HDAC5: variants seen among roughly 807,000 people sequenced by gnomAD.
HDAC5 encodes histone deacetylase 5.
HDAC5 carries 25 observed loss-of-function variants against 133.3 expected under a neutral mutation model. That is an observed-to-expected ratio of 0.19 (90% confidence interval 0.14 to 0.26). HDAC5 has a LOEUF of 0.26. Ranked by LOEUF, HDAC5 falls within the 10% of genes least tolerant of loss-of-function variation. The probability of loss-of-function intolerance (pLI) is 1.00; values close to 1 mark genes in which losing one functional copy is unlikely to be tolerated. For synonymous variants in HDAC5, 589 were observed against 610.8 expected, an observed-to-expected ratio of 0.96 and a Z score of 0.53; for missense variants, 1,041 against 1,460.5, an observed-to-expected ratio of 0.71 and a Z score of 4.68.
intron 3 of HDAC5, among the ~76,000 whole-genome samples, chr17:44,108,896 C>G (rs1426208405): frequency 2.0e-5 from 3 of 151,958 alleles, no homozygotes; most frequent in Admixed American, 1.3e-4. Context: ...TGAGGTGACT[C>G]ACGCCTCCCT....
intron 2 of HDAC5, among the ~76,000 whole-genome samples, chr17:44,115,251 G>A (rs888000808): frequency 2.0e-5 from 3 of 152,174 alleles, no homozygotes; most frequent in Non-Finnish European, 4.4e-5. Flanking sequence ...GGGGAAAGAG[G>A]AGCAAGTGTT....
Position 44,082,461 on chromosome 17 carries a change from C to G in HDAC5, c.2607+124G>C, listed in dbSNP as rs1161144148. 5.5e-6 allele frequency: 4 copies of G among 731,092 alleles called. No individual in the cohort carries two copies. In the African/African-American group the frequency reaches 7.0e-5, roughly 13 times the overall value. 45.3% of individuals were successfully genotyped at this position (731,092 alleles called of 1,614,324 possible). A position where few individuals can be genotyped will look rare whatever the true frequency, so the allele number is the denominator to read the frequency against. ...GCGCCCTTCCTTCTGCACCCACACC[C>G]AGCACCCGAGGATGAGGACGACTGG... On this transcript the variant is annotated intron_variant, in intron 20 of 26. Coordinates refer to ENST00000682912, the MANE Select transcript of HDAC5 (RefSeq NM_005474.5).
rs755781777 is a variant in HDAC5 at position 44,091,793 on chromosome 17, G to A, written c.1071C>T (p.Ser357=). 1.5e-5 allele frequency: 24 copies of A among 1,599,258 alleles called. No homozygotes were observed. Among genetic ancestry groups the A allele is most frequent in the Non-Finnish European group, 2.0e-5 (24 of 1,172,904 alleles). Residue 357 remains serine, a synonymous_variant, in exon 10 of 27, where the codon TCC becomes TCT. Transcript: ENST00000682912. ...ACGTGTAGAGGCTGAACTGGTTGGG[G>A]GAGCTGTCCAGAGGGAGGGCTCGGT... is the stretch of plus-strand genomic sequence containing the variant. ...PQHRALPLDS[S]PNQFSLYTSP... is the part of the protein sequence containing the mutation.
At chr17:44,087,799 A>G (rs1441309870) in intron 12 of HDAC5, 103 bp from the exon 13 acceptor site, 3 of 1,368,506 alleles carry the variant, frequency 2.2e-6, no homozygotes, top group African/African-American at 1.4e-5. Flanking sequence ...TCTTCCAGGT[A>G]GAGCTTCTAT....
chr17:44,099,544 G>T (rs1220655281), intron 3 of HDAC5, among the ~76,000 whole-genome samples: 1 of 151,474 alleles, frequency 6.6e-6, no homozygotes, highest in Admixed American at 6.6e-5. Flanking sequence ...GCGCGATCTC[G>T]GCTCACTGCA....
chr17:44,108,747 A>G (rs2052132343), intron 3 of HDAC5, among the ~76,000 whole-genome samples: 1 of 111,456 alleles, frequency 9.0e-6, no homozygotes, highest in African/African-American at 3.2e-5. Flanking sequence ...TACATTCCAG[A>G]GTCCAAAAAA....
intron 1 of HDAC5, among the ~76,000 whole-genome samples, chr17:44,118,279 T>G: frequency 6.6e-6 from 1 of 152,250 alleles, no homozygotes; most frequent in East Asian, 1.9e-4. Context: ...TTTCCAGGAA[T>G]TGAGAAAGTC....
At chr17:44,106,363 C>T (rs1361665494) in intron 3 of HDAC5, among the ~76,000 whole-genome samples, 1 of 152,170 alleles carries the variant, frequency 6.6e-6, no homozygotes, top group East Asian at 1.9e-4. Flanking sequence ...CCCCAGGAGG[C>T]CCCCAAGGCT....
chr17:44,102,127 T>C (rs1483658756), intron 3 of HDAC5, among the ~76,000 whole-genome samples: 5 of 152,206 alleles, frequency 3.3e-5, no homozygotes, highest in African/African-American at 4.8e-5. Flanking sequence ...TAAGGCTGTG[T>C]AGGTGGCATA....
intron 1 of HDAC5, 122 bp downstream of exon 1, chr17:44,123,382 G>GGGGGCGC: frequency 2.9e-6 from 1 of 340,052 alleles, no homozygotes; most frequent in Non-Finnish European, 5.3e-6. Flanking sequence ...AGGAAGGAAG[G>GGGGGCGC]GGGGCGCGGA....
intron 3 of HDAC5, among the ~76,000 whole-genome samples, chr17:44,105,378 G>A (rs1376648926): frequency 2.6e-5 from 4 of 152,188 alleles, no homozygotes; most frequent in East Asian, 1.9e-4. Context: ...GTTAGTAGTC[G>A]ATCCTGGGAT....
chr17:44,119,500 C>A (rs2052850993), intron 1 of HDAC5, among the ~76,000 whole-genome samples: 1 of 152,208 alleles, frequency 6.6e-6, no homozygotes, highest in Non-Finnish European at 1.5e-5. Flanking sequence ...CTGATCCTCA[C>A]CCCTGAGGCA....
chr17:44,093,080 C>G lies in HDAC5; in HGVS notation c.641+12G>C. 6.3e-7 allele frequency: 1 copy of G among 1,596,366 alleles called. No individual in the cohort carries two copies. Among genetic ancestry groups the G allele is most frequent in the Non-Finnish European group, 8.6e-7 (1 of 1,168,482 alleles). On this transcript the variant is annotated intron_variant, in intron 6 of 26. Transcript: ENST00000682912. ...TCACCTATGCCCACCCATGCCTGCCCAGGGCCATTACCAGCATTTGGGGTG... is the reference window on the plus strand; with the variant it reads ...TCACCTATGCCCACCCATGCCTGCCGAGGGCCATTACCAGCATTTGGGGTG...
intron 3 of HDAC5, among the ~76,000 whole-genome samples, chr17:44,103,072 G>A (rs2051719434): frequency 6.6e-6 from 1 of 152,094 alleles, no homozygotes; most frequent in South Asian, 2.1e-4. Context: ...CCAGGTGGGG[G>A]AGACAGCAGC....
intron 2 of HDAC5, chr17:44,111,389 G>A: frequency 5.8e-6 from 2 of 346,342 alleles, no homozygotes; most frequent in Non-Finnish European, 1.1e-5. Flanking sequence ...CCAGGCGAGG[G>A]GGATGGGAAC....
intron 3 of HDAC5, among the ~76,000 whole-genome samples, chr17:44,095,852 C>G (rs140703653): frequency 5.9e-5 from 9 of 151,974 alleles, no homozygotes; most frequent in Non-Finnish European, 1.2e-4. Context: ...TCTGGTCTTA[C>G]GGAGAACCGG....
intron 15 of HDAC5, 35 bp from the exon 16 acceptor site, chr17:44,084,710 G>A (rs763743998): frequency 1.2e-6 from 2 of 1,610,410 alleles, no homozygotes; most frequent in African/African-American, 1.3e-5. Context: ...GTCACACAAA[G>A]GCACAGCTCT....
chr17:44,091,934 T>A, intron 9 of HDAC5, 103 bp from the exon 10 acceptor site: 1 of 1,353,190 alleles, frequency 7.4e-7, no homozygotes, highest in South Asian at 1.4e-5. Flanking sequence ...GGTGCCCAGT[T>A]CCCTCTACCC....
chr17:44,110,016 GAGA>G (rs1314421707), intron 3 of HDAC5, among the ~76,000 whole-genome samples: 2 of 152,272 alleles, frequency 1.3e-5, no homozygotes. Context: ...AGTTCCTGCT[GAGA>G]AGGTGGCAGG....
Sources: allele counts gnomAD v4.1 joint callset (sites outside exome capture counted in the v4.1 genomes callset), GRCh38; gene constraint gnomAD v4.1.1; transcripts MANE v1.5; gene names NCBI Gene and HGNC (gene_info 2026-07-23, HGNC 2026-07-21).